SPAG16: variants seen among roughly 807,000 people sequenced by gnomAD.
SPAG16 encodes the protein sperm associated antigen 16.
SPAG16 carries 86 observed loss-of-function variants against 80.4 expected under a neutral mutation model. The ratio of observed to expected loss-of-function variants is 1.07; its 90% CI spans 0.90 to 1.28. The LOEUF (loss-of-function observed/expected upper bound fraction) is 1.28, where lower values mean the gene tolerates loss of function less well. Ranked by LOEUF, SPAG16 falls within the 50% of genes most tolerant of loss-of-function variation. The probability of loss-of-function intolerance (pLI) is 0.00; values close to 1 mark genes in which losing one functional copy is unlikely to be tolerated. For missense variants in SPAG16, 870 were observed against 765.3 expected, an observed-to-expected ratio of 1.14 and a Z score of -1.61; for synonymous variants, 294 against 265.9, an observed-to-expected ratio of 1.11 and a Z score of -1.03.
chr2:213,993,639 T>C lies in SPAG16; in HGVS notation c.1401-20312T>C, dbSNP rs558675488. Among the ~76,000 whole-genome samples the C allele has an allele frequency of 7.9e-5, 12 of 152,312 alleles. No homozygotes were observed. In the East Asian group the frequency reaches 1.9e-3, roughly 24 times the overall value. On this transcript the variant is annotated intron_variant, in intron 12 of 15. Coordinates refer to ENST00000331683, the MANE Select transcript of SPAG16 (RefSeq NM_024532.5). ...AGCTTTTTAAGAAAGATTTGCTTAA[T>C]AGGAAAACGGTGTTTTCTCACGTAA... is the stretch of plus-strand genomic sequence containing the variant.
rs1443877583 is a variant in SPAG16 at position 213,570,347 on chromosome 2, C to G, written c.1070+80257C>G. Among the ~76,000 whole-genome samples, 72 of 19,408 alleles carry G rather than the reference C, an allele frequency of 3.7e-3. 1 individual carries two copies. The highest frequency in any genetic ancestry group is 5.2e-3 in the Non-Finnish European group (60 of 11,566). 12.7% of individuals were successfully genotyped at this position (19,408 alleles called of 152,430 possible). A position where few individuals can be genotyped will look rare whatever the true frequency, so the allele number is the denominator to read the frequency against. On this transcript the variant is annotated intron_variant, in intron 10 of 15. Coordinates refer to ENST00000331683, the MANE Select transcript of SPAG16 (RefSeq NM_024532.5). ...TAATGTTAGGGTGTCAATTTTGGATCTTTCCTGCTTTCTCTTGTAGGCATT... is the reference window on the plus strand; with the variant it reads ...TAATGTTAGGGTGTCAATTTTGGATGTTTCCTGCTTTCTCTTGTAGGCATT...
At chr2:214,315,104 G>A (rs1271020116) in intron 15 of SPAG16, among the ~76,000 whole-genome samples, 3 of 152,066 alleles carry the variant, frequency 2.0e-5, no homozygotes, top group African/African-American at 7.2e-5. Context: ...AGCAAGAGAG[G>A]AATTAACAGC....
intron 10 of SPAG16, among the ~76,000 whole-genome samples, chr2:213,574,460 C>T (rs16850469): frequency 0.027 from 4,119 of 151,904 alleles, 85 homozygotes; most frequent in African/African-American, 0.05. Context: ...ATTTAAGGAG[C>T]TAAACATGGT....
chr2:213,304,770 C>A (rs753505474), intron 3 of SPAG16, among the ~76,000 whole-genome samples: 7 of 152,094 alleles, frequency 4.6e-5, no homozygotes, highest in Non-Finnish European at 1.0e-4. Context: ...GTTTTGTTTA[C>A]TATAGCTCTG....
intron 13 of SPAG16, among the ~76,000 whole-genome samples, chr2:214,025,059 C>T (rs2048062190): frequency 6.6e-6 from 1 of 151,482 alleles, no homozygotes; most frequent in African/African-American, 2.4e-5. Context: ...TCAGCATTCT[C>T]TTTTAAAATG....
At chr2:214,290,044 C>G (rs530504897) in intron 15 of SPAG16, among the ~76,000 whole-genome samples, 49 of 152,038 alleles carry the variant, frequency 3.2e-4, no homozygotes, top group African/African-American at 1.2e-3. Flanking sequence ...TTCATCTGGT[C>G]CTGGGATTTT....
intron 10 of SPAG16, among the ~76,000 whole-genome samples, chr2:213,678,850 G>A (rs926508538): frequency 2.6e-5 from 4 of 152,124 alleles, no homozygotes; most frequent in African/African-American, 4.8e-5. Context: ...AGAAATGGGT[G>A]AGGACACTCT....
At chr2:213,912,831 A>G (rs538079603) in intron 11 of SPAG16, among the ~76,000 whole-genome samples, 16 of 152,164 alleles carry the variant, frequency 1.1e-4, no homozygotes, top group Non-Finnish European at 2.4e-4. Context: ...AATCATAAAC[A>G]ATACCCCCAA....
chr2:214,146,276 C>T (rs1369338446), intron 14 of SPAG16, among the ~76,000 whole-genome samples: 2 of 152,156 alleles, frequency 1.3e-5, no homozygotes, highest in Non-Finnish European at 2.9e-5. Flanking sequence ...TTTGGATTAA[C>T]AACATTCTAG....
chr2:213,366,489 G>T (rs1387223538), intron 8 of SPAG16, among the ~76,000 whole-genome samples: 1 of 152,124 alleles, frequency 6.6e-6, no homozygotes, highest in Admixed American at 6.5e-5. Context: ...ATGGTGGAAG[G>T]CAAAGGAGGA....
At chr2:214,280,726 T>A in intron 15 of SPAG16, 1 of 370,402 alleles carries the variant, frequency 2.7e-6, no homozygotes, top group Admixed American at 3.1e-5. Context: ...CATTTTGGGA[T>A]GGTTCTATCT....
chr2:213,855,980 A>C (rs949191783), intron 10 of SPAG16, among the ~76,000 whole-genome samples: 9 of 152,002 alleles, frequency 5.9e-5, no homozygotes, highest in African/African-American at 2.2e-4. Context: ...CAAAGTCTCA[A>C]CTCATTTCAT....
chr2:214,258,564 T>G (rs1690892354), intron 15 of SPAG16, among the ~76,000 whole-genome samples: 1 of 151,514 alleles, frequency 6.6e-6, no homozygotes, highest in Non-Finnish European at 1.5e-5. Context: ...TTTCAACTAG[T>G]TTCATATTTC....
At position 213,842,583 on chromosome 2, in the gene SPAG16, G is replaced by T. The variant is rs147089565; in HGVS notation, c.1071-19902G>T. Among the ~76,000 whole-genome samples the T allele has an allele frequency of 4.3e-3, 653 of 152,088 alleles. 4 individuals carry two copies. Among genetic ancestry groups the T allele is most frequent in the African/African-American group, 0.014 (578 of 41,502 alleles). The stretch of plus-strand genomic sequence containing the variant: ...TTTTTGCCAAACTAACATTTTGTTT[G>T]TTTTGTTCATATCATCTTAAACTAG... On this transcript the variant is annotated intron_variant, in intron 10 of 15. Transcript: ENST00000331683.
intron 8 of SPAG16, among the ~76,000 whole-genome samples, chr2:213,371,979 G>A (rs907486471): frequency 6.6e-6 from 1 of 151,950 alleles, no homozygotes; most frequent in African/African-American, 2.4e-5. Context: ...AAAATTTCTG[G>A]GAGAAACTAT....
At chr2:213,837,647 C>G (rs1251264458) in intron 10 of SPAG16, among the ~76,000 whole-genome samples, 1 of 152,160 alleles carries the variant, frequency 6.6e-6, no homozygotes, top group Non-Finnish European at 1.5e-5. Flanking sequence ...CAGAATAATG[C>G]ACCCCAGCAA....
At chr2:213,289,425 C>T (rs967975448) in intron 1 of SPAG16, among the ~76,000 whole-genome samples, 5 of 152,182 alleles carry the variant, frequency 3.3e-5, no homozygotes, top group Non-Finnish European at 5.9e-5. Flanking sequence ...CATTTCCACT[C>T]TTGCCAATTC....
chr2:214,349,888 T>C (rs1698287525), intron 15 of SPAG16, among the ~76,000 whole-genome samples: 1 of 152,242 alleles, frequency 6.6e-6, no homozygotes, highest in East Asian at 1.9e-4. Context: ...TTATGAAGTG[T>C]CTGCACCAAT....
intron 9 of SPAG16, among the ~76,000 whole-genome samples, chr2:213,383,711 A>G (rs1037717539): frequency 6.6e-6 from 1 of 152,178 alleles, no homozygotes; most frequent in Non-Finnish European, 1.5e-5. Context: ...GTTTGCACCA[A>G]CTAGCTCCTT....
Sources: allele counts gnomAD v4.1 joint callset (sites outside exome capture counted in the v4.1 genomes callset), GRCh38; gene constraint gnomAD v4.1.1; transcripts MANE v1.5; gene names NCBI Gene and HGNC (gene_info 2026-07-23, HGNC 2026-07-21).